The following TFR2 variants were observed in gnomAD, a reference collection of about 807,000 sequenced individuals.
TFR2 encodes transferrin receptor protein 2.
Under a neutral mutation model 91.9 loss-of-function variants are expected in TFR2, and 64 were observed. The ratio of observed to expected loss-of-function variants is 0.70; its 90% CI spans 0.57 to 0.86. The LOEUF (loss-of-function observed/expected upper bound fraction) is 0.86, where lower values mean the gene tolerates loss of function less well. TFR2 is among the 40% of genes least tolerant of loss of function. The pLI is 0.00. For synonymous variants in TFR2, 454 were observed against 459.6 expected, an observed-to-expected ratio of 0.99 and a Z score of 0.15; for missense variants, 950 against 1,080.5, an observed-to-expected ratio of 0.88 and a Z score of 1.69.
chr7:100,629,605 G>T (rs1349074758), intron 9 of TFR2, among the ~76,000 whole-genome samples: 4 of 152,186 alleles, frequency 2.6e-5, no homozygotes, highest in Non-Finnish European at 5.9e-5. Flanking sequence ...ACCCAGGCTG[G>T]AGTGTGCAGT....
intron 7 of TFR2, 48 bp from the exon 8 acceptor site, chr7:100,631,993 G>C (rs1803450867): frequency 1.2e-6 from 2 of 1,614,024 alleles, no homozygotes; most frequent in South Asian, 1.1e-5. Flanking sequence ...GGGCTTCCAG[G>C]AAAAACGAAA....
At chr7:100,638,085 G>A (rs888814409) in intron 3 of TFR2, among the ~76,000 whole-genome samples, 90 of 151,874 alleles carry the variant, frequency 5.9e-4, no homozygotes, top group African/African-American at 2.1e-3. Flanking sequence ...TTCACTGCAA[G>A]CTCCGCCTCC....
Position 100,641,175 on chromosome 7 carries a change from G to C in TFR2, c.87C>G (p.Pro29=). 1 of 1,526,546 alleles carries C rather than the reference G, an allele frequency of 6.6e-7. No individual in the cohort carries two copies. Among genetic ancestry groups the C allele is most frequent in the Non-Finnish European group, 8.8e-7 (1 of 1,136,126 alleles). The allele number at this position is 1,526,546 out of a possible 1,614,324, so 94.6% of individuals were successfully genotyped here. ...SQTVYQRVEG[P]RKGHLEEEEE... is the part of the protein sequence containing the mutation. ...CTTCCTCCTCCAGGTGCCCTTTCCG[G>C]GGGCCTTCCACACGCTGGTAGACGG... Residue 29 remains proline, a synonymous_variant, in exon 2 of 18, where the codon CCC becomes CCG. Transcript: ENST00000223051.
chr7:100,627,790 G>A lies in TFR2; in HGVS notation c.1636C>T (p.Leu546Phe), dbSNP rs2131312750. Reference protein sequence around the residue: ...VDSPNHSGQTLYEQVVFTNPS... With the variant: ...VDSPNHSGQTFYEQVVFTNPS... ...TTGGTGAACACCACCTGTTCATAGA[G>A]AGTCTGCCCACTGTGGTTGGGAGAA... Residue 546 changes from leucine (L) to phenylalanine (F), a missense_variant, in exon 14 of 18, where the codon CTC becomes TTC. Transcript: ENST00000223051. 1.9e-6 allele frequency: 3 copies of A among 1,613,922 alleles called. No individual in the cohort carries two copies. The highest frequency in any genetic ancestry group is 2.2e-5 in the South Asian group (2 of 91,078).
rs2131312223 is a variant in TFR2 at position 100,627,492 on chromosome 7, C to T, written c.1768-1G>A. ...GCAGGAATGGGTAGGCCTGGTCGTC[C>T]TGCCAGGACAGGGTGGACGCTGGGG... On this transcript the variant is annotated splice_acceptor_variant, in intron 15 of 17. Transcript: ENST00000223051. LOFTEE classifies it high-confidence loss of function. 6 of 1,612,212 alleles carry T rather than the reference C, an allele frequency of 3.7e-6. No homozygotes were observed. Among genetic ancestry groups the T allele is most frequent in the Non-Finnish European group, 4.2e-6 (5 of 1,179,128 alleles).
intron 16 of TFR2, 56 bp from the exon 17 acceptor site, chr7:100,626,959 G>C: frequency 6.6e-7 from 1 of 1,512,286 alleles, no homozygotes; most frequent in Non-Finnish European, 8.8e-7. Flanking sequence ...CCCCCGCCTA[G>C]CATGGGGACA....
chr7:100,622,692 C>T (rs1221810989), intron 17 of TFR2, among the ~76,000 whole-genome samples: 6 of 151,870 alleles, frequency 4.0e-5, no homozygotes, highest in Non-Finnish European at 5.9e-5. Flanking sequence ...CACAGTGGCT[C>T]ATGCCTGTAA....
At chr7:100,631,111 C>T in intron 8 of TFR2, 59 bp from the exon 9 acceptor site, 1 of 1,440,906 alleles carries the variant, frequency 6.9e-7, no homozygotes, top group Non-Finnish European at 9.1e-7. Context: ...GAGTCCAAAT[C>T]ACTCTTTTCC....
intron 17 of TFR2, among the ~76,000 whole-genome samples, chr7:100,625,509 A>G (rs541765418): frequency 5.3e-5 from 8 of 152,246 alleles, no homozygotes; most frequent in Non-Finnish European, 1.2e-4. Flanking sequence ...TACCCAACCT[A>G]TTGCCTCACC....
chr7:100,638,139 G>A (rs1803613339), intron 3 of TFR2, among the ~76,000 whole-genome samples: 1 of 152,082 alleles, frequency 6.6e-6, no homozygotes, highest in Non-Finnish European at 1.5e-5. Flanking sequence ...AAGTAGCTGG[G>A]ACTATAGGTG....
Position 100,627,345 on chromosome 7 carries a change from C to T in TFR2, c.1914G>A (p.Leu638=), listed in dbSNP as rs1803292204. 3.9e-6 allele frequency: 6 copies of T among 1,551,606 alleles called. No individual in the cohort carries two copies. The highest frequency in any genetic ancestry group is 5.2e-6 in the Non-Finnish European group (6 of 1,147,382). The stretch of plus-strand genomic sequence containing the variant: ...CGTAGCGGCCGAAGTCGAGGGGCAG[C>T]AGGCGATCGTGGCTGAGCCGGATGA... ...QLLIRLSHDR[L]LPLDFGRYGD... The change falls in exon 16 of 18, where the codon CTG becomes CTA. Residue 638 remains leucine, a synonymous_variant. Coordinates refer to ENST00000223051, the MANE Select transcript of TFR2 (RefSeq NM_003227.4).
chr7:100,627,828 T>C lies in TFR2; in HGVS notation c.1606-8A>G. 2.5e-6 allele frequency: 4 copies of C among 1,613,388 alleles called. No individual in the cohort carries two copies. Among genetic ancestry groups the C allele is most frequent in the Non-Finnish European group, 3.4e-6 (4 of 1,179,832 alleles). On this transcript the variant is annotated splice_region_variant and splice_polypyrimidine_tract_variant and intron_variant, in intron 13 of 17. Transcript: ENST00000223051. The stretch of plus-strand genomic sequence containing the variant: ...GTGGTTGGGAGAATCCACCTGGGGG[T>C]TGGGGAAGGGCACTGATCAGGCTCT...
At chr7:100,626,478 G>C in intron 17 of TFR2, 3 of 1,307,110 alleles carry the variant, frequency 2.3e-6, no homozygotes, top group East Asian at 3.3e-5. Flanking sequence ...TCAGCGGGGA[G>C]GGGTGGGGGA....
At chr7:100,629,494 C>T in intron 9 of TFR2, 122 bp from the exon 10 acceptor site, 2 of 1,568,340 alleles carry the variant, frequency 1.3e-6, no homozygotes, top group South Asian at 2.2e-5. Context: ...GCAGTCCCTC[C>T]AGTCCCTAAA....
Position 100,640,843 on chromosome 7 carries a change from C to G in TFR2, c.316G>C (p.Gly106Arg). Residue 106 changes from glycine (G) to arginine (R), a missense_variant, in exon 3 of 18, where the codon GGG becomes CGG. By Grantham distance (125) the Gly-to-Arg change is moderately radical (BLOSUM62 -2). Transcript: ENST00000223051. ...GAGTCTCCGCACGCCTGGCAGGACC[C>G]TCGGAAGGCGACGTAGCCCAGTAGG... ...AFLLGYVAFR[G>R]SCQACGDSVL... 2 of 1,614,138 alleles carry G rather than the reference C, an allele frequency of 1.2e-6. No individual in the cohort carries two copies. The highest frequency in any genetic ancestry group is 1.7e-6 in the Non-Finnish European group (2 of 1,180,024).
In TFR2 at chr7:100,632,062, A is replaced by G. The variant is rs534173191; in HGVS notation, c.966+20T>C. On this transcript the variant is annotated intron_variant, in intron 7 of 17. Coordinates refer to ENST00000223051, the MANE Select transcript of TFR2 (RefSeq NM_003227.4). Reference sequence around the variant, plus strand: ...GGCCTCGGGACCTGGGAACAGCACGACCAGCCTCCCCAGACTCACATGTCC... The same window carrying G: ...GGCCTCGGGACCTGGGAACAGCACGGCCAGCCTCCCCAGACTCACATGTCC... 1.9e-6 allele frequency: 3 copies of G among 1,614,006 alleles called. No individual in the cohort carries two copies. Among genetic ancestry groups the G allele is most frequent in the Non-Finnish European group, 2.5e-6 (3 of 1,179,914 alleles).
rs528172894 is a variant in TFR2 at position 100,621,892 on chromosome 7, C to T, written c.2137-766G>A. On this transcript the variant is annotated intron_variant, in intron 17 of 17. Coordinates refer to ENST00000223051, the MANE Select transcript of TFR2 (RefSeq NM_003227.4). The stretch of plus-strand genomic sequence containing the variant: ...CCTAGTTTCCTAGCCTCTCCTAGCC[C>T]CATCTCTGGTTTGTTCTGCTTCCAC... 7.4e-4 allele frequency among the ~76,000 whole-genome samples: 113 copies of T among 152,312 alleles called. 1 individual carries two copies. The highest frequency in any genetic ancestry group is 1.3e-3 in the Admixed American group (20 of 15,286).
At chr7:100,634,177 AACACACACACACACACAC>A (rs3076877) in intron 3 of TFR2, among the ~76,000 whole-genome samples, 23,980 of 132,800 alleles carry the variant, frequency 0.18, 2,128 homozygotes, top group Non-Finnish European at 0.21. Flanking sequence ...TCCCGACGTC[AACACACACACACACACAC>A]ACACACACAC....
At position 100,627,934 on chromosome 7, in the gene TFR2, T is replaced by C. The variant is rs1228060941; in HGVS notation, c.1578A>G (p.Thr526=). ...GCTTCAGGACACTCTCAATGAGACT[T>C]GTCAGAAGGGGGCTGGTCTTGGCAT... The part of the protein sequence containing the change: ...KFHAKTSPLL[T]SLIESVLKQV... Residue 526 remains threonine (T), a synonymous_variant, in exon 13 of 18, where the codon ACA becomes ACG. Transcript: ENST00000223051. 5 of 1,613,974 alleles carry C rather than the reference T, an allele frequency of 3.1e-6. No homozygotes were observed. Among genetic ancestry groups the C allele is most frequent in the Non-Finnish European group, 4.2e-6 (5 of 1,179,946 alleles).
Sources: gnomAD v4.1 joint callset for allele counts (sites outside exome capture counted in the v4.1 genomes callset) on GRCh38, gnomAD v4.1.1 for gene constraint, MANE v1.5 for transcripts, NCBI Gene and HGNC (gene_info 2026-07-23, HGNC 2026-07-21) for gene names.